Variants in SOS2 observed in about 807,000 individuals in gnomAD.
SOS2 encodes son of sevenless homolog 2.
In SOS2, 65 loss-of-function variants were observed where a neutral mutation model predicts 148.2. The observed-to-expected ratio is 0.44, with a 90% confidence interval of 0.36 to 0.54. SOS2 has a LOEUF of 0.54. Ranked by LOEUF, SOS2 falls within the 20% of genes least tolerant of loss-of-function variation. The pLI is 0.00. For synonymous variants in SOS2, 539 were observed against 537.1 expected, an observed-to-expected ratio of 1.00 and a Z score of -0.05; for missense variants, 1,341 against 1,590.2, an observed-to-expected ratio of 0.84 and a Z score of 2.67.
rs370412487 is a variant in SOS2 at position 50,151,186 on chromosome 14, G to A, written c.2162-956C>T. Among the ~76,000 whole-genome samples, 51 of 152,246 alleles carry A rather than the reference G, an allele frequency of 3.3e-4. No individual in the cohort carries two copies. In the South Asian group the frequency reaches 0.011, roughly 32 times the overall value. On this transcript the variant is annotated intron_variant, in intron 13 of 22. Transcript: ENST00000216373. Reference sequence around the variant, plus strand: ...ATTTTCTTATATTTAGTTTGAAAAGGGATCTGAACAAGATTGCACATATTG... The same window carrying A: ...ATTTTCTTATATTTAGTTTGAAAAGAGATCTGAACAAGATTGCACATATTG...
At chr14:50,178,671 C>CATATATATATATAT (rs1170021476) in intron 7 of SOS2, among the ~76,000 whole-genome samples, 2 of 14,442 alleles carry the variant, frequency 1.4e-4, no homozygotes, top group African/African-American at 3.6e-4. Flanking sequence ...TGTGTGTGTG[C>CATATATATATATAT]ATATATATAT....
rs1280472854 is a variant in SOS2, at chr14:50,123,268, G to A, written c.3380-2884C>T. Among the ~76,000 whole-genome samples, 4 of 152,130 alleles carry A rather than the reference G, an allele frequency of 2.6e-5. No homozygotes were observed. The South Asian group carries it at 6.2e-4, about 24-fold the overall frequency. On this transcript the variant is annotated intron_variant, in intron 21 of 22. Transcript: ENST00000216373. Reference sequence around the variant, plus strand: ...TGTTGAGGCAGACTGAGTGAAGGGGGAGAATAAGTGATGAGGTCTGACAGA... The same window carrying A: ...TGTTGAGGCAGACTGAGTGAAGGGGAAGAATAAGTGATGAGGTCTGACAGA...
In SOS2 at chr14:50,130,536, C is replaced by T. The variant is rs1419463844; in HGVS notation, c.3302G>A (p.Ser1101Asn). 6.2e-7 allele frequency: 1 copy of T among 1,614,030 alleles called. No individual in the cohort carries two copies. Among genetic ancestry groups the T allele is most frequent in the Non-Finnish European group, 8.5e-7 (1 of 1,179,940 alleles). Residue 1101 changes from serine to asparagine, a missense_variant, in exon 20 of 23, where the codon AGT (serine) becomes AAT (asparagine). Physicochemically the swap from Ser to Asn is conservative, Grantham distance 46. Around this residue, in one of 4 missense-constraint regions of SOS2, gnomAD observed 354 missense variants for 347.7 expected, o/e 1.02. Transcript: ENST00000216373. ...GTTGAGATCCACATCTAAAAATACA[C>T]TAAGGTCTGAAGAAGCAGATACTGG... is the stretch of plus-strand genomic sequence containing the variant. ...TPPVSASSDL[S>N]VFLDVDLNSS...
In SOS2 at chr14:50,145,235, C is replaced by T. The variant is rs751419448; in HGVS notation, c.2602G>A (p.Gly868Ser). ...ACTGCACTGACTATCTCCAATACGC[C>T]ATTGAAATTATTCAAATCTTGAAAA... ...QVFQDLNNFN[G>S]VLEIVSAVNS... is the part of the protein sequence containing the mutation. Residue 868 changes from glycine (G) to serine (S), a missense_variant, in exon 16 of 23, where the codon GGC becomes AGC. Gly to Ser is a moderately conservative substitution (Grantham distance 56). Coordinates refer to ENST00000216373, the MANE Select transcript of SOS2 (RefSeq NM_006939.4). The T allele has an allele frequency of 6.8e-6, 11 of 1,610,728 alleles. No homozygotes were observed. Among genetic ancestry groups the T allele is most frequent in the African/African-American group, 1.3e-5 (1 of 74,794 alleles).
chr14:50,143,823 AT>A (rs35436971), intron 16 of SOS2, among the ~76,000 whole-genome samples: 2,923 of 134,484 alleles, frequency 0.022, 56 homozygotes, highest in African/African-American at 0.071. Flanking sequence ...ATGCCTGGCT[AT>A]TTTTTTTTTT....
intron 7 of SOS2, among the ~76,000 whole-genome samples, chr14:50,177,197 G>GTT (rs1163623056): frequency 6.6e-6 from 1 of 152,060 alleles, no homozygotes; most frequent in Non-Finnish European, 1.5e-5. Context: ...GTCCACACTT[G>GTT]TAGTCTCAGT....
intron 17 of SOS2, 122 bp downstream of exon 17, chr14:50,139,820 A>G (rs1884210985): frequency 1.9e-6 from 1 of 531,920 alleles, no homozygotes; most frequent in African/African-American, 1.9e-5. Context: ...ATTTATTAAT[A>G]CAGAGAGCTA....
chr14:50,162,152 T>G (rs1220565607), intron 8 of SOS2, among the ~76,000 whole-genome samples: 2 of 151,346 alleles, frequency 1.3e-5, no homozygotes, highest in Non-Finnish European at 2.9e-5. Context: ...GGACATTTTA[T>G]TTTTATTTTT....
intron 1 of SOS2, among the ~76,000 whole-genome samples, chr14:50,214,551 T>C (rs11623103): frequency 0.89 from 134,807 of 152,026 alleles, 59,884 homozygotes; most frequent in East Asian, 0.91. Flanking sequence ...TAGTGGGGTG[T>C]CTGTAGTCCC....
In SOS2 at chr14:50,118,512, G is replaced by A; in HGVS notation, c.3831C>T (p.Leu1277=). Residue 1277 remains leucine, a synonymous_variant, in exon 23 of 23, where the codon CTC becomes CTT. Coordinates refer to ENST00000216373, the MANE Select transcript of SOS2 (RefSeq NM_006939.4). ...SPRVPRRCYV[L]SSSQNNLAHP... ...GAGCAAGATTATTCTGACTAGAACT[G>A]AGCACATAGCATCGACGCGGTACCC... 6.2e-7 allele frequency: 1 copy of A among 1,614,154 alleles called. No individual in the cohort carries two copies. The highest frequency in any genetic ancestry group is 1.1e-5 in the South Asian group (1 of 91,076).
intron 1 of SOS2, among the ~76,000 whole-genome samples, chr14:50,217,648 A>T (rs962365399): frequency 1.3e-5 from 2 of 152,216 alleles, no homozygotes; most frequent in Admixed American, 6.5e-5. Flanking sequence ...CCCTAAAAAA[A>T]CAAATTGATA....
intron 18 of SOS2, 144 bp downstream of exon 18, chr14:50,138,468 G>C (rs1452095508): frequency 9.6e-6 from 4 of 418,614 alleles, no homozygotes; most frequent in Non-Finnish European, 1.7e-5. Flanking sequence ...GCCTCTTACA[G>C]TTACTTTTAA....
At chr14:50,153,851 G>A (rs1227362683) in intron 12 of SOS2, among the ~76,000 whole-genome samples, 1 of 152,158 alleles carries the variant, frequency 6.6e-6, no homozygotes, top group Non-Finnish European at 1.5e-5. Context: ...GATCTCAGGT[G>A]ATCCGCCCAC....
Position 50,182,444 on chromosome 14 carries a change from A to T in SOS2, c.858+19T>A, listed in dbSNP as rs780544622. The T allele has an allele frequency of 8.1e-6, 13 of 1,611,184 alleles. No individual in the cohort carries two copies. Among genetic ancestry groups the T allele is most frequent in the Non-Finnish European group, 1.1e-5 (13 of 1,177,434 alleles). On this transcript the variant is annotated intron_variant, in intron 6 of 22. Transcript: ENST00000216373. ...CATTTAGGGCTTTAATGAGAATATAAGTAGTTTTGTAAACTTACTTCTGCC... is the reference window on the plus strand; with the variant it reads ...CATTTAGGGCTTTAATGAGAATATATGTAGTTTTGTAAACTTACTTCTGCC...
In SOS2 at chr14:50,153,072, CT is replaced by C; in HGVS notation, c.2158del (p.Arg720GlufsTer5). 6.7e-7 allele frequency: 1 copy of C among 1,483,126 alleles called. No individual in the cohort carries two copies. The highest frequency in any genetic ancestry group is 9.4e-7 in the Non-Finnish European group (1 of 1,066,130). The allele number at this position is 1,483,126 out of a possible 1,614,324, so 91.9% of individuals were successfully genotyped here. A position where few individuals can be genotyped will look rare whatever the true frequency, so the allele number is the denominator to read the frequency against. ...AATCAAACCTTTATATAATATACCT[CT>C]TACACTTGAAATGAAGGATTCTAGT... ...ERLESFISSV[R>X]GKAMKKWVES... On this transcript the variant is annotated frameshift_variant, in exon 13 of 23. Coordinates refer to ENST00000216373, the MANE Select transcript of SOS2 (RefSeq NM_006939.4). LOFTEE classifies it high-confidence loss of function.
chr14:50,128,994 G>A (rs959048897), intron 21 of SOS2, among the ~76,000 whole-genome samples: 4 of 152,072 alleles, frequency 2.6e-5, no homozygotes, highest in Admixed American at 6.6e-5. Context: ...ATAAGATAGG[G>A]AAACTTGCTA....
At chr14:50,205,067 A>T (rs183960207) in intron 1 of SOS2, among the ~76,000 whole-genome samples, 15 of 152,190 alleles carry the variant, frequency 9.9e-5, no homozygotes, top group East Asian at 5.8e-4. Context: ...AAAGAAATTT[A>T]AAAAAGTATT....
chr14:50,227,919 A>C (rs901303243), intron 1 of SOS2, among the ~76,000 whole-genome samples: 1 of 152,234 alleles, frequency 6.6e-6, no homozygotes, highest in Non-Finnish European at 1.5e-5. Flanking sequence ...CTGGAAAATA[A>C]GCAAAAGAAT....
intron 1 of SOS2, chr14:50,230,771 G>T: frequency 3.4e-6 from 1 of 293,758 alleles, no homozygotes; most frequent in Non-Finnish European, 5.1e-6. Flanking sequence ...CTCATAAGTG[G>T]ATACCCTTGA....
Sources: gnomAD v4.1 joint callset for allele counts (sites outside exome capture counted in the v4.1 genomes callset) on GRCh38, gnomAD v4.1.1 for gene constraint, gnomAD v4.1.1 regional missense constraint, MANE v1.5 for transcripts, NCBI Gene and HGNC (gene_info 2026-07-23, HGNC 2026-07-21) for gene names.